The following CDK17 variants were observed in gnomAD, a reference collection of about 807,000 sequenced individuals.
The protein encoded by CDK17 is cyclin-dependent kinase 17.
Under a neutral mutation model 77.6 loss-of-function variants are expected in CDK17, and 24 were observed. That is an observed-to-expected ratio of 0.31 (90% confidence interval 0.22 to 0.44). The LOEUF (loss-of-function observed/expected upper bound fraction) is 0.44, where lower values mean the gene tolerates loss of function less well. Among genes scored for constraint, CDK17 ranks in the 20% least tolerant of loss-of-function variants. CDK17 has a pLI of 1.00. For synonymous variants in CDK17, 203 were observed against 210.4 expected, an observed-to-expected ratio of 0.96 and a Z score of 0.30; for missense variants, 429 against 622.5, an observed-to-expected ratio of 0.69 and a Z score of 3.31.
At chr12:96,291,312 G>A (rs1013561762) in intron 10 of CDK17, among the ~76,000 whole-genome samples, 2 of 152,004 alleles carry the variant, frequency 1.3e-5, no homozygotes, top group Non-Finnish European at 2.9e-5. Flanking sequence ...CTCTTTTTGA[G>A]ACAGGGTCTT....
chr12:96,282,592 G>A lies in CDK17; in HGVS notation c.1373C>T (p.Ser458Phe). 1 of 1,608,464 alleles carries A rather than the reference G, an allele frequency of 6.2e-7. No individual in the cohort carries two copies. The highest frequency in any genetic ancestry group is 8.5e-7 in the Non-Finnish European group (1 of 1,175,328). The part of the protein sequence containing the change: ...ELITKFLQYE[S>F]KKRVSAEEAM... ...CTCTTCAGCTGAAACCCTTTTCTTA[G>A]ATTCATACTGTGAAAAAGCAAAGAA... Residue 458 changes from serine to phenylalanine, a missense_variant, in exon 15 of 17, where the codon TCT (serine) becomes TTT (phenylalanine). Physicochemically the swap from Ser to Phe is radical, Grantham distance 155. Coordinates refer to ENST00000261211, the MANE Select transcript of CDK17 (RefSeq NM_002595.5).
intron 3 of CDK17, 27 bp from the exon 4 acceptor site, chr12:96,313,481 G>A (rs1952669851): frequency 7.6e-7 from 1 of 1,315,410 alleles, no homozygotes; most frequent in Non-Finnish European, 1.0e-6. Flanking sequence ...GACATTAAAA[G>A]AGATACATTA....
intron 1 of CDK17, among the ~76,000 whole-genome samples, chr12:96,361,818 T>C (rs1311991753): frequency 6.6e-6 from 1 of 152,220 alleles, no homozygotes; most frequent in Non-Finnish European, 1.5e-5. Context: ...ATGTGAAAAC[T>C]TGAAACTCTC....
chr12:96,312,157 T>C (rs1222027829), intron 4 of CDK17, among the ~76,000 whole-genome samples: 1 of 152,104 alleles, frequency 6.6e-6, no homozygotes, highest in Non-Finnish European at 1.5e-5. Flanking sequence ...TGTGTGCCTG[T>C]AGTCCCAGCT....
At position 96,301,256 on chromosome 12, in the gene CDK17, A is replaced by C. The variant is rs868074209; in HGVS notation, c.544-896T>G. Among the ~76,000 whole-genome samples the C allele has an allele frequency of 1.6e-3, 185 of 112,372 alleles. 1 individual carries two copies. Among genetic ancestry groups the C allele is most frequent in the Admixed American group, 2.7e-3 (32 of 12,026 alleles). The allele number at this position is 112,372 out of a possible 152,430, so 73.7% of individuals were successfully genotyped here. On this transcript the variant is annotated intron_variant, in intron 5 of 16. Transcript: ENST00000261211. ...AACACTCGGCCAAAAAAAAAAAAAAAAAACAAACAAACCCACAACAACAAG... is the reference window on the plus strand; with the variant it reads ...AACACTCGGCCAAAAAAAAAAAAAACAAACAAACAAACCCACAACAACAAG...
At chr12:96,358,051 T>C (rs1327491447) in intron 1 of CDK17, among the ~76,000 whole-genome samples, 8 of 152,094 alleles carry the variant, frequency 5.3e-5, no homozygotes, top group Non-Finnish European at 8.8e-5. Flanking sequence ...ATGTGATCTT[T>C]AACAAAAAGA....
At chr12:96,326,922 G>A (rs913023516) in intron 2 of CDK17, among the ~76,000 whole-genome samples, 4 of 152,136 alleles carry the variant, frequency 2.6e-5, no homozygotes, top group African/African-American at 9.7e-5. Context: ...AAGCAGTTAC[G>A]GTAGCTTTGA....
intron 1 of CDK17, among the ~76,000 whole-genome samples, chr12:96,344,772 A>T (rs1345781543): frequency 6.6e-6 from 1 of 152,218 alleles, no homozygotes; most frequent in Admixed American, 6.5e-5. Context: ...AGAGAGTATT[A>T]ACGCACTTTT....
At position 96,397,074 on chromosome 12, in the gene CDK17, T is replaced by C. The variant is rs570928151; in HGVS notation, c.-30+2912A>G. On this transcript the variant is annotated intron_variant, in intron 1 of 16. Transcript: ENST00000261211. Reference sequence around the variant, plus strand: ...CAAAATAAAATAGTTGCATTGTTTTTCAGTGAAAGGAAAGAAGGAAAATAT... The same window carrying C: ...CAAAATAAAATAGTTGCATTGTTTTCCAGTGAAAGGAAAGAAGGAAAATAT... Among the ~76,000 whole-genome samples, 4 of 152,224 alleles carry C rather than the reference T, an allele frequency of 2.6e-5. No individual in the cohort carries two copies. In the East Asian group the frequency reaches 7.7e-4, roughly 29 times the overall value.
At chr12:96,335,745 A>G (rs1008942219) in intron 1 of CDK17, among the ~76,000 whole-genome samples, 1 of 152,244 alleles carries the variant, frequency 6.6e-6, no homozygotes, top group African/African-American at 2.4e-5. Context: ...ACAGGTACAT[A>G]AATTAATGGT....
chr12:96,296,174 T>C (rs573817208), intron 9 of CDK17, among the ~76,000 whole-genome samples: 2 of 152,352 alleles, frequency 1.3e-5, no homozygotes, highest in South Asian at 2.1e-4. Flanking sequence ...AAGCTAATCA[T>C]GTAAACCTGG....
chr12:96,295,111 G>A lies in CDK17; in HGVS notation c.885C>T (p.Tyr295=), dbSNP rs972420025. The A allele has an allele frequency of 1.9e-6, 3 of 1,603,124 alleles. No homozygotes were observed. The highest frequency in any genetic ancestry group is 1.7e-5 in the Admixed American group (1 of 57,356). Reference sequence around the variant, plus strand: ...AATATGCCAAACCACGTAGAATTTGGTACAGAAACAGCTACAGAAACAAAT... The same window carrying A: ...AATATGCCAAACCACGTAGAATTTGATACAGAAACAGCTACAGAAACAAAT... ...MSMHNVKLFL[Y]QILRGLAYCH... The change falls in exon 10 of 17, where the codon TAC becomes TAT. Residue 295 remains tyrosine, a synonymous_variant. Coordinates refer to ENST00000261211, the MANE Select transcript of CDK17 (RefSeq NM_002595.5).
chr12:96,301,014 T>C (rs906554256), intron 5 of CDK17, among the ~76,000 whole-genome samples: 12 of 152,222 alleles, frequency 7.9e-5, no homozygotes, highest in Non-Finnish European at 1.6e-4. Context: ...ATTTTCTTTT[T>C]AACAAAATTG....
chr12:96,302,404 A>G (rs578061966), intron 5 of CDK17, among the ~76,000 whole-genome samples: 1 of 152,252 alleles, frequency 6.6e-6, no homozygotes, highest in East Asian at 1.9e-4. Context: ...GAAACTAATA[A>G]AATATCTTTA....
At chr12:96,364,367 CCACCAG>C (rs1166729919) in intron 1 of CDK17, among the ~76,000 whole-genome samples, 7 of 152,192 alleles carry the variant, frequency 4.6e-5, no homozygotes, top group Admixed American at 6.5e-5. Flanking sequence ...TTTTGTATTC[CCACCAG>C]CAATGTGTTC....
intron 2 of CDK17, among the ~76,000 whole-genome samples, chr12:96,334,193 C>G (rs527260809): frequency 6.6e-6 from 1 of 152,172 alleles, no homozygotes; most frequent in Non-Finnish European, 1.5e-5. Context: ...GAATATGTAG[C>G]CTTCCTCTAG....
chr12:96,340,913 G>C (rs1263358896), intron 1 of CDK17, among the ~76,000 whole-genome samples: 1 of 152,032 alleles, frequency 6.6e-6, no homozygotes, highest in Non-Finnish European at 1.5e-5. Context: ...ATATATGGGG[G>C]TTTGCTGTGC....
At chr12:96,382,356 TAA>T (rs34300589) in intron 1 of CDK17, among the ~76,000 whole-genome samples, 18 of 133,990 alleles carry the variant, frequency 1.3e-4, no homozygotes, top group Non-Finnish European at 1.1e-4. Context: ...AATCAGTAAT[TAA>T]AAAAAAAAAA....
rs534516541 is a variant in CDK17, at chr12:96,283,662, A to C, written c.1323-17T>G. The C allele has an allele frequency of 1.3e-6, 2 of 1,571,728 alleles. No homozygotes were observed. The highest frequency in any genetic ancestry group is 3.5e-5 in the Admixed American group (2 of 57,906). Reference sequence around the variant, plus strand: ...GAGTCTAACCTAGAAACAACAAAGAACAAGTAAAAATTTATGCTCTCTTAG... The same window carrying C: ...GAGTCTAACCTAGAAACAACAAAGACCAAGTAAAAATTTATGCTCTCTTAG... On this transcript the variant is annotated splice_polypyrimidine_tract_variant and intron_variant, in intron 13 of 16. Coordinates refer to ENST00000261211, the MANE Select transcript of CDK17 (RefSeq NM_002595.5).
Sources: gnomAD v4.1 joint callset for allele counts (sites outside exome capture counted in the v4.1 genomes callset) on GRCh38, gnomAD v4.1.1 for gene constraint, MANE v1.5 for transcripts, NCBI Gene and HGNC (gene_info 2026-07-23, HGNC 2026-07-21) for gene names.